Variants in DCLK2 observed in about 807,000 individuals in gnomAD.
The protein encoded by DCLK2 is serine/threonine-protein kinase DCLK2.
DCLK2 carries 31 observed loss-of-function variants against 78.4 expected under a neutral mutation model. The ratio of observed to expected loss-of-function variants is 0.40; its 90% confidence interval spans 0.30 to 0.53. DCLK2 has a LOEUF of 0.53. Among genes scored for constraint, DCLK2 ranks in the 20% least tolerant of loss-of-function variants. The pLI is 0.61. For missense variants in DCLK2, 872 were observed against 973.7 expected (o/e 0.90, Z 1.39); for synonymous variants, 407 against 374.9 (o/e 1.09, Z -0.99).
At chr4:150,190,235 T>TGGATAGTTAGA (rs1560850690) in intron 2 of DCLK2, among the ~76,000 whole-genome samples, 3 of 115,568 alleles carry the variant, frequency 2.6e-5, no homozygotes, top group East Asian at 2.2e-4. Context: ...AGATGGATAG[T>TGGATAGTTAGA]TAGATAGATA....
intron 1 of DCLK2, 115 bp from the exon 2 acceptor site, chr4:150,102,363 A>G: frequency 1.1e-6 from 1 of 909,832 alleles, no homozygotes; most frequent in South Asian, 1.8e-5. Context: ...ATCCCCTTTT[A>G]GTGAACCCAC....
At chr4:150,189,780 C>A (rs1738254125) in intron 2 of DCLK2, among the ~76,000 whole-genome samples, 1 of 151,898 alleles carries the variant, frequency 6.6e-6, no homozygotes, top group Non-Finnish European at 1.5e-5. Context: ...GAAGCCCATG[C>A]AGAGCCACAG....
chr4:150,086,519 T>A (rs1450458522), intron 1 of DCLK2, among the ~76,000 whole-genome samples: 4 of 121,456 alleles, frequency 3.3e-5, no homozygotes, highest in Non-Finnish European at 1.8e-5. Flanking sequence ...TTTTTTTTTT[T>A]TTTTTGAGAC....
In DCLK2 at chr4:150,256,359, G is replaced by C; in HGVS notation, c.*112G>C. ...CCCTCTCTTCACCGCCTGCGCCTGA[G>C]TTCGCGGGTCCTCCGCAGGCCGCCT... On this transcript the variant is annotated 3_prime_UTR_variant, in exon 16 of 16. Coordinates refer to ENST00000296550, the MANE Select transcript of DCLK2 (RefSeq NM_001040260.4). 2.9e-6 allele frequency: 4 copies of C among 1,390,108 alleles called. No homozygotes were observed. In the South Asian group the frequency reaches 6.1e-5, roughly 21 times the overall value. 86.1% of individuals were successfully genotyped at this position (1,390,108 alleles called of 1,614,324 possible). A position where few individuals can be genotyped will look rare whatever the true frequency, so the allele number is the denominator to read the frequency against.
At chr4:150,123,277 C>CT (rs1732693736) in intron 2 of DCLK2, among the ~76,000 whole-genome samples, 1 of 152,136 alleles carries the variant, frequency 6.6e-6, no homozygotes, top group African/African-American at 2.4e-5. Context: ...CTTCCTTTCA[C>CT]TTGAACACTT....
intron 1 of DCLK2, among the ~76,000 whole-genome samples, chr4:150,090,639 T>A (rs1729994211): frequency 6.6e-6 from 1 of 152,178 alleles, no homozygotes; most frequent in Non-Finnish European, 1.5e-5. Context: ...GTTTTCGTTT[T>A]TACATTTAGC....
intron 3 of DCLK2, among the ~76,000 whole-genome samples, chr4:150,195,667 T>G (rs80178466): frequency 0.013 from 1,892 of 150,522 alleles, 46 homozygotes; most frequent in African/African-American, 0.044. Context: ...ACTTTGTATG[T>G]ACAGGCATTG....
At chr4:150,120,992 A>C (rs148638373) in intron 2 of DCLK2, among the ~76,000 whole-genome samples, 2,934 of 152,192 alleles carry the variant, frequency 0.019, 32 homozygotes, top group Middle Eastern at 0.037. Context: ...AATTACTTAT[A>C]CCTGGGGGGC....
chr4:150,219,073 G>A (rs955394442), intron 5 of DCLK2, among the ~76,000 whole-genome samples: 3 of 151,802 alleles, frequency 2.0e-5, no homozygotes, highest in Admixed American at 6.6e-5. Context: ...GTGTGATGGC[G>A]TATACCTGTA....
rs116234140 is a variant in DCLK2, at chr4:150,093,472, C to T, written c.422-9006C>T. On this transcript the variant is annotated intron_variant, in intron 1 of 15. Coordinates refer to ENST00000296550, the MANE Select transcript of DCLK2 (RefSeq NM_001040260.4). ...TCTTGGCTTACTGCAACCTCCACCTCCTGTGTTTAAGCTATTCTCGTGCCT... is the reference window on the plus strand; with the variant it reads ...TCTTGGCTTACTGCAACCTCCACCTTCTGTGTTTAAGCTATTCTCGTGCCT... Among the ~76,000 whole-genome samples, 859 of 152,306 alleles carry T rather than the reference C, an allele frequency of 5.6e-3. 6 individuals carry two copies. The highest frequency in any genetic ancestry group is 0.02 in the African/African-American group (834 of 41,556).
At chr4:150,140,769 A>G (rs1467090703) in intron 2 of DCLK2, among the ~76,000 whole-genome samples, 2 of 152,216 alleles carry the variant, frequency 1.3e-5, no homozygotes, top group African/African-American at 4.8e-5. Context: ...AAGAAATACT[A>G]TAAAGAGGTT....
At chr4:150,196,667 C>CAAA (rs11381700) in intron 3 of DCLK2, among the ~76,000 whole-genome samples, 3 of 146,678 alleles carry the variant, frequency 2.0e-5, no homozygotes, top group African/African-American at 2.5e-5. Flanking sequence ...TTCACTGGGG[C>CAAA]AAAAAAAAAA....
Position 150,220,788 on chromosome 4 carries a change from A to G in DCLK2, c.1132+10A>G, listed in dbSNP as rs773772782. 3.1e-5 allele frequency: 50 copies of G among 1,607,766 alleles called. No homozygotes were observed. In the Admixed American group the frequency reaches 6.5e-4, roughly 21 times the overall value. ...TGCATAAGTCCTGAAGGTAGTTCTC[A>G]GTCTGATCATTACTTTGATAAAGGA... On this transcript the variant is annotated intron_variant, in intron 6 of 15. Transcript: ENST00000296550.
At chr4:150,238,722 C>G (rs1249615346) in intron 10 of DCLK2, among the ~76,000 whole-genome samples, 1 of 152,090 alleles carries the variant, frequency 6.6e-6, no homozygotes, top group Non-Finnish European at 1.5e-5. Flanking sequence ...CACCTTCACA[C>G]CAACTTCACA....
intron 5 of DCLK2, among the ~76,000 whole-genome samples, chr4:150,219,763 T>C (rs886269694): frequency 6.6e-6 from 1 of 151,888 alleles, no homozygotes; most frequent in African/African-American, 2.4e-5. Flanking sequence ...TTGGAAAGTT[T>C]AAGTAACTTT....
chr4:150,132,765 A>C (rs934149965), intron 2 of DCLK2, among the ~76,000 whole-genome samples: 1 of 152,110 alleles, frequency 6.6e-6, no homozygotes, highest in East Asian at 1.9e-4. Context: ...GCTAATTTTT[A>C]AATTTCTTAT....
chr4:150,233,143 A>T (rs1275188477), intron 10 of DCLK2, among the ~76,000 whole-genome samples: 1 of 152,208 alleles, frequency 6.6e-6, no homozygotes, highest in African/African-American at 2.4e-5. Context: ...CAGGAGACTT[A>T]CAATCATGGC....
chr4:150,133,709 T>G lies in DCLK2; in HGVS notation c.756+30897T>G, dbSNP rs142370970. Among the ~76,000 whole-genome samples the G allele has an allele frequency of 3.1e-3, 472 of 152,310 alleles. 4 individuals carry two copies. Among genetic ancestry groups the G allele is most frequent in the African/African-American group, 9.7e-3 (402 of 41,562 alleles). On this transcript the variant is annotated intron_variant, in intron 2 of 15. Coordinates refer to ENST00000296550, the MANE Select transcript of DCLK2 (RefSeq NM_001040260.4). ...ATAAGAGAATGTGAACAAGGTGTTGTGGGTTTGATAACTGATTGTGCTAAT... is the reference window on the plus strand; with the variant it reads ...ATAAGAGAATGTGAACAAGGTGTTGGGGGTTTGATAACTGATTGTGCTAAT...
At chr4:150,195,616 TA>T (rs1238355663) in intron 3 of DCLK2, among the ~76,000 whole-genome samples, 4 of 148,000 alleles carry the variant, frequency 2.7e-5, no homozygotes, top group Non-Finnish European at 5.9e-5. Flanking sequence ...TTCTGGTTTA[TA>T]AAGTTAATAT....
Sources: allele counts gnomAD v4.1 joint callset (sites outside exome capture counted in the v4.1 genomes callset), GRCh38; gene constraint gnomAD v4.1.1; transcripts MANE v1.5; gene names NCBI Gene and HGNC (gene_info 2026-07-23, HGNC 2026-07-21).